Variants in NGLY1 observed in about 807,000 individuals in gnomAD.
NGLY1 encodes N-glycanase 1, also known as peptide-N(4)-(N-acetyl-beta-glucosaminyl)asparagine amidase.
In NGLY1, 68 loss-of-function variants were observed where a neutral mutation model predicts 84.6. The ratio of observed to expected loss-of-function variants is 0.80; its 90% CI spans 0.66 to 0.98. The LOEUF is 0.98. Ranked by LOEUF, NGLY1 falls within the 50% of genes least tolerant of loss-of-function variation. The pLI is 0.00. For missense variants in NGLY1, 779 were observed against 770.2 expected (o/e 1.01, Z -0.14); for synonymous variants, 280 against 275.2 (o/e 1.02, Z -0.17).
At chr3:25,762,782 G>A (rs545373113) in intron 3 of NGLY1, among the ~76,000 whole-genome samples, 2 of 152,144 alleles carry the variant, frequency 1.3e-5, no homozygotes, top group Non-Finnish European at 2.9e-5. Context: ...GAGAAACCCC[G>A]TCTCTACTAA....
chr3:25,755,520 G>A, intron 3 of NGLY1: 1 of 1,435,856 alleles, frequency 7.0e-7, no homozygotes, highest in Non-Finnish European at 9.8e-7. Context: ...ACCAGTTCCT[G>A]CAATAACTGC....
At chr3:25,789,990 A>C (rs903521296) in exon 1 of NGLY1, 28 of 1,205,410 alleles carry the variant, frequency 2.3e-5, no homozygotes, top group Non-Finnish European at 3.2e-5. Flanking sequence ...GACGCGGCTT[A>C]AAGTCAACCG....
intron 3 of NGLY1, among the ~76,000 whole-genome samples, chr3:25,760,907 A>T: frequency 8.5e-6 from 1 of 117,326 alleles, no homozygotes; most frequent in East Asian, 2.7e-4. Flanking sequence ...AAAAAAAAAA[A>T]AAAAAAAAAA....
chr3:25,788,454 G>T (rs1387290804), intron 1 of NGLY1, among the ~76,000 whole-genome samples: 5 of 152,166 alleles, frequency 3.3e-5, no homozygotes, highest in Non-Finnish European at 7.3e-5. Context: ...TACCAAATAT[G>T]TAAAGCCATT....
chr3:25,767,045 G>A (rs1355071886), intron 2 of NGLY1, among the ~76,000 whole-genome samples: 7 of 152,060 alleles, frequency 4.6e-5, no homozygotes. Flanking sequence ...TGTAATCCCA[G>A]CACTTTGGGA....
rs772360247 is a variant in NGLY1, at chr3:25,736,079, G to A, written c.1074C>T (p.Val358=). The change falls in exon 7 of 12, where the codon GTC becomes GTT. Residue 358 remains valine, a synonymous_variant. Coordinates refer to ENST00000280700, the MANE Select transcript of NGLY1 (RefSeq NM_018297.4). ...RWLHCDACED[V]CDKPLLYEIG... ...TTTCATAAAGGAGTGGCTTGTCACA[G>A]ACATCTTCACATGCATCACAGTGCA... 3 of 1,613,674 alleles carry A rather than the reference G, an allele frequency of 1.9e-6. No individual in the cohort carries two copies. The highest frequency in any genetic ancestry group is 2.2e-5 in the South Asian group (2 of 91,012).
rs1353155614 is a variant in NGLY1 at position 25,733,562 on chromosome 3, GCA to G, written c.1260+308_1260+309del. On this transcript the variant is annotated intron_variant, in intron 8 of 11. Transcript: ENST00000280700. ...AATATGAGTCTGTGTCATATCCAAG[GCA>G]CAGTTACACTGATAAATAAGACAAC... Among the ~76,000 whole-genome samples the G allele has an allele frequency of 2.7e-5, 4 of 147,706 alleles. No homozygotes were observed. In the East Asian group the frequency reaches 8.1e-4, roughly 30 times the overall value.
At chr3:25,737,577 C>A in intron 5 of NGLY1, 122 bp from the exon 6 acceptor site, 1 of 934,220 alleles carries the variant, frequency 1.1e-6, no homozygotes, top group Admixed American at 3.2e-5. Flanking sequence ...GAGTCTTGCT[C>A]TGTCACCCAG....
At chr3:25,755,434 A>G in intron 3 of NGLY1, 1 of 1,459,288 alleles carries the variant, frequency 6.9e-7, no homozygotes. Context: ...TCCCAAATAA[A>G]GTTTCAACTC....
chr3:25,755,882 A>T (rs1707011988), intron 3 of NGLY1, among the ~76,000 whole-genome samples: 1 of 152,186 alleles, frequency 6.6e-6, no homozygotes, highest in Admixed American at 6.5e-5. Context: ...GTTTCTTAAT[A>T]GTTTCATTAA....
At position 25,783,231 on chromosome 3, in the gene NGLY1, A is replaced by T; in HGVS notation, c.131+29T>A. The T allele has an allele frequency of 6.4e-7, 1 of 1,558,638 alleles. No homozygotes were observed. The highest frequency in any genetic ancestry group is 8.8e-7 in the Non-Finnish European group (1 of 1,134,484). On this transcript the variant is annotated intron_variant, in intron 1 of 11. Coordinates refer to ENST00000280700, the MANE Select transcript of NGLY1 (RefSeq NM_018297.4). This position sits in a 1 kb window ranked among gnomAD's most constrained non-coding sequence, Gnocchi z 4.5. ...GGTGCCGCGGCCCACCCACCCCGGT[A>T]CCCGCCGTCCGACCCCGTTGCCCTG...
rs889951614 is a variant in NGLY1 at position 25,783,063 on chromosome 3, CG to C, written c.131+196del. 1.9e-5 allele frequency: 10 copies of C among 533,954 alleles called. No individual in the cohort carries two copies. Among genetic ancestry groups the C allele is most frequent in the Admixed American group, 7.9e-5 (2 of 25,442 alleles). 33.1% of individuals were successfully genotyped at this position (533,954 alleles called of 1,614,324 possible). ...TGCAAAGAAACTTCCTTTTCTCGAG[CG>C]GGGGTGGGACTTGGCCGGGTCCCGA... On this transcript the variant is annotated intron_variant, in intron 1 of 11. Transcript: ENST00000280700. The surrounding 1 kb of genome is among the most constrained non-coding windows in gnomAD (Gnocchi z 4.5).
chr3:25,751,278 A>C lies in NGLY1; in HGVS notation c.493-15T>G, dbSNP rs1706736826. Reference sequence around the variant, plus strand: ...TCAGCAGCAACCTAATAGGAAAAAAAAAAACTGAAATTAACTTTTCACCAT... The same window carrying C: ...TCAGCAGCAACCTAATAGGAAAAAACAAAACTGAAATTAACTTTTCACCAT... On this transcript the variant is annotated splice_polypyrimidine_tract_variant and intron_variant, in intron 3 of 11. Coordinates refer to ENST00000280700, the MANE Select transcript of NGLY1 (RefSeq NM_018297.4). 4 of 1,513,758 alleles carry C rather than the reference A, an allele frequency of 2.6e-6. No homozygotes were observed. The East Asian group carries it at 9.4e-5, about 36-fold the overall frequency. The allele number at this position is 1,513,758 out of a possible 1,614,324, so 93.8% of individuals were successfully genotyped here.
chr3:25,740,090 G>T (rs921590929), intron 4 of NGLY1, among the ~76,000 whole-genome samples: 11 of 152,160 alleles, frequency 7.2e-5, no homozygotes, highest in Admixed American at 3.9e-4. Context: ...GGGAACTATA[G>T]TCAGTTAGGA....
At chr3:25,731,695 T>G (rs1410066391) in intron 9 of NGLY1, among the ~76,000 whole-genome samples, 1 of 152,004 alleles carries the variant, frequency 6.6e-6, no homozygotes, top group Non-Finnish European at 1.5e-5. Context: ...ATAACCCAAA[T>G]AGCCATCAAC....
intron 4 of NGLY1, among the ~76,000 whole-genome samples, chr3:25,742,085 C>A (rs539367611): frequency 5.6e-4 from 85 of 152,186 alleles, no homozygotes; most frequent in Middle Eastern, 6.8e-3. Flanking sequence ...TTCACAAAGT[C>A]CATAAAAGAA....
rs573189571 is a variant in NGLY1, at chr3:25,726,106, CAA to C, written c.1611+3025_1611+3026del. Among the ~76,000 whole-genome samples the C allele has an allele frequency of 4.0e-4, 60 of 151,024 alleles. No homozygotes were observed. In the East Asian group the frequency reaches 4.1e-3, roughly 10 times the overall value. On this transcript the variant is annotated intron_variant, in intron 10 of 11. Transcript: ENST00000280700. ...CAAAATGCTAAAATGACTGTAGTGA[CAA>C]AGAGAGGGATAAAACTCATCAAAAC...
chr3:25,739,698 C>T lies in NGLY1; in HGVS notation c.760G>A (p.Gly254Ser). ...WVNNVLCSKC[G>S]GQTRSRDRSL... ...CTATCTCTAGACCTAGTCTGTCCAC[C>T]ACATTTGCTGCACAAAACGTTATTC... The change falls in exon 5 of 12, where the codon GGT (glycine) becomes AGT (serine). Residue 254 changes from glycine to serine, a missense_variant. Physicochemically the swap from Gly to Ser is moderately conservative, Grantham distance 56. Coordinates refer to ENST00000280700, the MANE Select transcript of NGLY1 (RefSeq NM_018297.4). The T allele has an allele frequency of 6.2e-7, 1 of 1,614,088 alleles. No homozygotes were observed. Among genetic ancestry groups the T allele is most frequent in the Non-Finnish European group, 8.5e-7 (1 of 1,179,998 alleles).
chr3:25,755,625 G>A (rs918590567), intron 3 of NGLY1: 2 of 1,494,154 alleles, frequency 1.3e-6, no homozygotes, highest in African/African-American at 1.4e-5. Flanking sequence ...AGCCAATGAA[G>A]CAAACCCACT....
Sources: allele counts gnomAD v4.1 joint callset (sites outside exome capture counted in the v4.1 genomes callset), GRCh38; gene constraint gnomAD v4.1.1; non-coding constraint Gnocchi (gnomAD v3.1); transcripts MANE v1.5; gene names NCBI Gene and HGNC (gene_info 2026-07-23, HGNC 2026-07-21).